Variants in CPPED1 observed in about 807,000 individuals in gnomAD.
CPPED1 encodes serine/threonine-protein phosphatase CPPED1.
Under a neutral mutation model 28.0 loss-of-function variants are expected in CPPED1, and 28 were observed. The ratio of observed to expected loss-of-function variants is 1.00; its 90% CI spans 0.74 to 1.37. The LOEUF (loss-of-function observed/expected upper bound fraction) is 1.37. Ranked by LOEUF, CPPED1 falls within the 40% of genes most tolerant of loss-of-function variation. CPPED1 has a pLI of 0.00. For synonymous variants in CPPED1, 198 were observed against 180.2 expected (o/e 1.10, Z -0.79); for missense variants, 504 against 416.5 (o/e 1.21, Z -1.83).
At chr16:12,775,241 G>T (rs938866806) in intron 2 of CPPED1, among the ~76,000 whole-genome samples, 3 of 152,132 alleles carry the variant, frequency 2.0e-5, no homozygotes, top group African/African-American at 7.2e-5. Flanking sequence ...GCCCTCAGCT[G>T]ATGTAGCCCC....
intron 2 of CPPED1, among the ~76,000 whole-genome samples, chr16:12,756,046 G>A (rs2080365128): frequency 6.6e-6 from 1 of 151,924 alleles, no homozygotes; most frequent in African/African-American, 2.4e-5. Flanking sequence ...CAGGAGAATG[G>A]CGTGAACCCA....
chr16:12,692,419 C>T (rs2079968396), intron 3 of CPPED1, among the ~76,000 whole-genome samples: 1 of 152,198 alleles, frequency 6.6e-6, no homozygotes, highest in Admixed American at 6.5e-5. Flanking sequence ...TCATTTAAAA[C>T]ATTTTTCAAT....
intron 2 of CPPED1, among the ~76,000 whole-genome samples, chr16:12,714,046 G>T (rs1019554786): frequency 1.3e-4 from 20 of 152,060 alleles, no homozygotes; most frequent in African/African-American, 3.6e-4. Flanking sequence ...GTAGGCTTTT[G>T]TTACTGATCT....
chr16:12,704,943 G>C lies in CPPED1; in HGVS notation c.396C>G (p.Asn132Lys), dbSNP rs781067646. Residue 132 changes from asparagine (N) to lysine (K), a missense_variant, in exon 3 of 4, where the codon AAC becomes AAG. Coordinates refer to ENST00000381774, the MANE Select transcript of CPPED1 (RefSeq NM_018340.3). ...VLVSGNHDIG[N>K]TPTAETVEEF... is the part of the protein sequence containing the mutation. ...CCTCGACGGTCTCGGCCGTGGGGGT[G>C]TTGCCAATGTCATGGTTGCCGCTGA... is the stretch of plus-strand genomic sequence containing the variant. 21 of 1,614,200 alleles carry C rather than the reference G, an allele frequency of 1.3e-5. No homozygotes were observed. The Middle Eastern group carries it at 4.9e-4, about 38-fold the overall frequency.
intron 2 of CPPED1, among the ~76,000 whole-genome samples, chr16:12,764,762 C>T (rs577727460): frequency 1.9e-4 from 29 of 152,334 alleles, no homozygotes; most frequent in Admixed American, 1.3e-3. Context: ...TCAGAGCCAC[C>T]ATTTTGTTTT....
At chr16:12,718,584 C>T (rs2080120468) in intron 2 of CPPED1, among the ~76,000 whole-genome samples, 2 of 148,788 alleles carry the variant, frequency 1.3e-5, no homozygotes, top group South Asian at 2.2e-4. Context: ...GTTGATAATA[C>T]GATTTGTTGG....
Position 12,724,455 on chromosome 16 carries a change from G to A in CPPED1, c.290-19406C>T, listed in dbSNP as rs185250422. Among the ~76,000 whole-genome samples, 102 of 152,240 alleles carry A rather than the reference G, an allele frequency of 6.7e-4. 1 individual carries two copies. In the East Asian group the frequency reaches 0.012, roughly 18 times the overall value. On this transcript the variant is annotated intron_variant, in intron 2 of 3. Coordinates refer to ENST00000381774, the MANE Select transcript of CPPED1 (RefSeq NM_018340.3). ...TGAGTGGCCCGTGCAATCCATTATC[G>A]CGCAGCTGCCAGCAGTGGCTCTTTC...
At chr16:12,731,535 C>T (rs1438671420) in intron 2 of CPPED1, among the ~76,000 whole-genome samples, 2 of 151,744 alleles carry the variant, frequency 1.3e-5, no homozygotes, top group Non-Finnish European at 2.9e-5. Context: ...ACACTTAGAG[C>T]GAAAGAAGCC....
intron 3 of CPPED1, among the ~76,000 whole-genome samples, chr16:12,703,323 C>T (rs921347706): frequency 3.3e-5 from 5 of 152,250 alleles, no homozygotes; most frequent in African/African-American, 1.2e-4. Context: ...GGGTGGCTCA[C>T]ACCTGTAATC....
chr16:12,733,299 G>T lies in CPPED1; in HGVS notation c.290-28250C>A, dbSNP rs536131087. On this transcript the variant is annotated intron_variant, in intron 2 of 3. Transcript: ENST00000381774. Reference sequence around the variant, plus strand: ...ATTTTTTTTTTTTTTTTTTGAGACAGAGTCTTGTACTGTCACCCAGGCTGG... The same window carrying T: ...ATTTTTTTTTTTTTTTTTTGAGACATAGTCTTGTACTGTCACCCAGGCTGG... Among the ~76,000 whole-genome samples, 5 of 136,386 alleles carry T rather than the reference G, an allele frequency of 3.7e-5. No homozygotes were observed. In the East Asian group the frequency reaches 8.4e-4, roughly 23 times the overall value. 89.5% of individuals were successfully genotyped at this position (136,386 alleles called of 152,430 possible).
chr16:12,676,533 C>G (rs748625570), intron 3 of CPPED1, among the ~76,000 whole-genome samples: 34 of 152,110 alleles, frequency 2.2e-4, no homozygotes, highest in Non-Finnish European at 4.1e-4. Context: ...AAGTGACTTG[C>G]CTGGATTCAC....
intron 1 of CPPED1, among the ~76,000 whole-genome samples, chr16:12,793,457 C>A (rs1230798605): frequency 6.6e-6 from 1 of 152,198 alleles, no homozygotes; most frequent in East Asian, 1.9e-4. Context: ...CAGACTGAGG[C>A]CTGAGTGCCC....
chr16:12,786,198 G>C (rs1303109652), intron 1 of CPPED1, among the ~76,000 whole-genome samples: 1 of 152,180 alleles, frequency 6.6e-6, no homozygotes, highest in African/African-American at 2.4e-5. Flanking sequence ...GCGTCGCCTG[G>C]GAGCACATTC....
Position 12,662,238 on chromosome 16 carries a change from G to C in CPPED1, c.*2648C>G, listed in dbSNP as rs1164462770. The stretch of plus-strand genomic sequence containing the variant: ...TTTTAAAGGCAAAGGAATTACAAGT[G>C]AACACACTAGTCATGGCCCATCAGA... On this transcript the variant is annotated 3_prime_UTR_variant, in exon 4 of 4. Transcript: ENST00000381774. The C allele has an allele frequency of 5.3e-5, 8 of 152,042 alleles. No homozygotes were observed. Among genetic ancestry groups the C allele is most frequent in the Non-Finnish European group, 1.0e-4 (7 of 68,012 alleles). The allele number at this position is 152,042 out of a possible 1,614,324, so 9.4% of individuals were successfully genotyped here.
chr16:12,710,926 T>C (rs562394900), intron 2 of CPPED1, among the ~76,000 whole-genome samples: 3 of 152,240 alleles, frequency 2.0e-5, no homozygotes, highest in East Asian at 3.9e-4. Context: ...GAAAACAATA[T>C]GGTGGCTCCC....
In CPPED1 at chr16:12,749,505, C is replaced by T. The variant is rs554879756; in HGVS notation, c.289+31680G>A. On this transcript the variant is annotated intron_variant, in intron 2 of 3. Coordinates refer to ENST00000381774, the MANE Select transcript of CPPED1 (RefSeq NM_018340.3). ...TCTTCTACTGAAGTCTTAAACCCTT[C>T]GAAGTCATCCATGATGACTGGAATC... is the stretch of plus-strand genomic sequence containing the variant. 3.5e-4 allele frequency among the ~76,000 whole-genome samples: 54 copies of T among 152,322 alleles called. 1 individual carries two copies. In the South Asian group the frequency reaches 4.3e-3, roughly 12 times the overall value.
At chr16:12,722,536 A>T (rs1047568277) in intron 2 of CPPED1, among the ~76,000 whole-genome samples, 15 of 152,214 alleles carry the variant, frequency 9.9e-5, no homozygotes, top group African/African-American at 3.6e-4. Flanking sequence ...CCCAGAGTTC[A>T]GACCAGCCTG....
chr16:12,717,085 A>G (rs750468969), intron 2 of CPPED1, among the ~76,000 whole-genome samples: 3 of 152,058 alleles, frequency 2.0e-5, no homozygotes, highest in African/African-American at 4.8e-5. Flanking sequence ...AACCAAAGGT[A>G]ATAGTAGGGT....
chr16:12,698,281 G>A (rs2080002549), intron 3 of CPPED1, among the ~76,000 whole-genome samples: 1 of 152,184 alleles, frequency 6.6e-6, no homozygotes, highest in African/African-American at 2.4e-5. Flanking sequence ...TTACAGAGGT[G>A]AATAAGGCTG....
Sources: allele counts gnomAD v4.1 joint callset (sites outside exome capture counted in the v4.1 genomes callset), GRCh38; gene constraint gnomAD v4.1.1; transcripts MANE v1.5; gene names NCBI Gene and HGNC (gene_info 2026-07-23, HGNC 2026-07-21).